DNAJB12: variants seen among roughly 807,000 people sequenced by gnomAD.
DNAJB12 encodes dnaJ homolog subfamily B member 12.
In DNAJB12, 14 loss-of-function variants were observed where a neutral mutation model predicts 40.6. That is an observed-to-expected ratio of 0.34 (90% CI 0.23 to 0.54). DNAJB12 has a LOEUF of 0.54. Among genes scored for constraint, DNAJB12 ranks in the 20% least tolerant of loss-of-function variants. DNAJB12 has a pLI of 0.92. For missense variants in DNAJB12, 444 were observed against 501.7 expected (o/e 0.89, Z 1.10); for synonymous variants, 181 against 199.5 (o/e 0.91, Z 0.78).
At chr10:72,343,572 T>C (rs903468980) in intron 2 of DNAJB12, 61 bp from the exon 3 acceptor site, 6 of 1,582,820 alleles carry the variant, frequency 3.8e-6, no homozygotes, top group Admixed American at 1.7e-5. Flanking sequence ...AGGGGGGCGA[T>C]GAACAGGCCG....
intron 5 of DNAJB12, among the ~76,000 whole-genome samples, chr10:72,340,586 G>A (rs1308791828): frequency 6.6e-6 from 1 of 152,186 alleles, no homozygotes; most frequent in East Asian, 1.9e-4. Context: ...CGGCAATGTG[G>A]AGCATGGCTC....
intron 1 of DNAJB12, among the ~76,000 whole-genome samples, chr10:72,350,784 T>C (rs1394226230): frequency 2.6e-5 from 4 of 152,240 alleles, no homozygotes; most frequent in East Asian, 3.9e-4. Context: ...TCTGCTCTCA[T>C]AGGAGTGCTC....
Position 72,345,109 on chromosome 10 carries a change from T to C in DNAJB12, c.152A>G (p.Asn51Ser), listed in dbSNP as rs765784912. 11 of 1,612,572 alleles carry C rather than the reference T, an allele frequency of 6.8e-6. No individual in the cohort carries two copies. In the Admixed American group the frequency reaches 1.7e-4, roughly 24 times the overall value. Reference sequence around the variant, plus strand: ...GTCACCGGCAGTCTGTGGTTTCTGGTTGAGGGACTCAATCAGGGCTGTGCA... The same window carrying C: ...GTCACCGGCAGTCTGTGGTTTCTGGCTGAGGGACTCAATCAGGGCTGTGCA... ...PRVRALIESLNQKPQTAGDQP... is the reference protein window; with the variant it reads ...PRVRALIESLSQKPQTAGDQP... Residue 51 changes from asparagine to serine, a missense_variant, in exon 2 of 9, where the codon AAC becomes AGC. Asn to Ser is a conservative substitution (Grantham distance 46, BLOSUM62 1). Transcript: ENST00000444643.
intron 6 of DNAJB12, 152 bp downstream of exon 6, chr10:72,338,050 G>A (rs1861528006): frequency 1.6e-6 from 1 of 637,188 alleles, no homozygotes; most frequent in Admixed American, 2.9e-5. Context: ...AGTCCTAGTT[G>A]AATAGAGAAA....
chr10:72,339,238 C>CA (rs10695425), intron 5 of DNAJB12, among the ~76,000 whole-genome samples: 67,594 of 111,120 alleles, frequency 0.61, 19,175 homozygotes, highest in Non-Finnish European at 0.69. Context: ...GACCCTGTCT[C>CA]AAAAAAAAAA....
chr10:72,347,871 C>T (rs1861835778), intron 1 of DNAJB12, among the ~76,000 whole-genome samples: 1 of 151,720 alleles, frequency 6.6e-6, no homozygotes, highest in Admixed American at 6.6e-5. Flanking sequence ...CGAAATCATG[C>T]CATTGCACTC....
At chr10:72,343,662 C>T in intron 2 of DNAJB12, 151 bp from the exon 3 acceptor site, 1 of 826,504 alleles carries the variant, frequency 1.2e-6, no homozygotes, top group African/African-American at 1.7e-5. Flanking sequence ...CTGTGTGACA[C>T]CAGGGACAAG....
intron 1 of DNAJB12, among the ~76,000 whole-genome samples, chr10:72,349,527 G>A (rs1486102275): frequency 1.3e-5 from 2 of 152,228 alleles, no homozygotes; most frequent in Admixed American, 6.5e-5. Context: ...GGCAGGAGGA[G>A]GAGGCAGTAT....
chr10:72,350,935 C>T (rs1365553044), intron 1 of DNAJB12, among the ~76,000 whole-genome samples: 1 of 152,190 alleles, frequency 6.6e-6, no homozygotes, highest in African/African-American at 2.4e-5. Context: ...CACTCCTGGA[C>T]TCTGAATGCA....
In DNAJB12 at chr10:72,335,924, G is replaced by A. The variant is rs1861460938; in HGVS notation, c.1014C>T (p.Gly338=). 1.2e-6 allele frequency: 2 copies of A among 1,613,962 alleles called. No homozygotes were observed. The highest frequency in any genetic ancestry group is 1.3e-5 in the African/African-American group (1 of 74,928). The change falls in exon 8 of 9, where the codon GGC becomes GGT. Residue 338 remains glycine (G), a synonymous_variant. Transcript: ENST00000444643. This position sits in a 1 kb window ranked among gnomAD's most constrained non-coding sequence, Gnocchi z 4.4. ...NCWKEKQQKE[G]LLYRARYFGD... is the part of the protein sequence containing the mutation. ...CAAAGTAGCGTGCCCGGTACAGCAA[G>A]CCTTCCTCTGCAAAGCAATGGGACA...
intron 1 of DNAJB12, among the ~76,000 whole-genome samples, 182 bp downstream of exon 1, chr10:72,354,583 C>G (rs1324305595): frequency 6.6e-6 from 1 of 152,222 alleles, no homozygotes; most frequent in Non-Finnish European, 1.5e-5. Flanking sequence ...CCAGACGGCT[C>G]GCATCCCGCA....
Position 72,345,020 on chromosome 10 carries a change from A to T in DNAJB12, c.241T>A (p.Ser81Thr), listed in dbSNP as rs1443369407. Residue 81 changes from serine (S) to threonine (T), a missense_variant, in exon 2 of 9, where the codon TCG (serine) becomes ACG (threonine). Ser to Thr is a moderately conservative substitution (Grantham distance 58). Coordinates refer to ENST00000444643, the MANE Select transcript of DNAJB12 (RefSeq NM_017626.7). ...TCTCCTCCAGCTTCACCGTTGGCCG[A>T]GGGGGCATCGGTCCCACCTGCTTTC... ...HRKAGGTDAP[S>T]ANGEAGGEST... The T allele has an allele frequency of 6.2e-7, 1 of 1,613,932 alleles. No individual in the cohort carries two copies. The highest frequency in any genetic ancestry group is 1.3e-5 in the African/African-American group (1 of 74,860).
At chr10:72,338,966 T>TA (rs1490747254) in intron 5 of DNAJB12, among the ~76,000 whole-genome samples, 1 of 151,782 alleles carries the variant, frequency 6.6e-6, no homozygotes, top group South Asian at 2.1e-4. Flanking sequence ...AGATACAAAA[T>TA]AAAAAAATTT....
At chr10:72,344,158 T>C (rs1861718063) in intron 2 of DNAJB12, among the ~76,000 whole-genome samples, 1 of 152,116 alleles carries the variant, frequency 6.6e-6, no homozygotes, top group Admixed American at 6.6e-5. Flanking sequence ...CACCAATTCT[T>C]CCTCTCCGCG....
rs771328813 is a variant in DNAJB12 at position 72,344,982 on chromosome 10, G to A, written c.279C>T (p.Gly93=). 5 of 1,614,108 alleles carry A rather than the reference G, an allele frequency of 3.1e-6. No individual in the cohort carries two copies. In the African/African-American group the frequency reaches 6.7e-5, roughly 22 times the overall value. The change falls in exon 2 of 9, where the codon GGC becomes GGT. Residue 93 remains glycine, a synonymous_variant. Transcript: ENST00000444643. ...CAGCTGCAACCTGTTCTGCAGTGTA[G>A]CCTTTGGTGCTCTCTCCTCCAGCTT... ...NGEAGGESTK[G]YTAEQVAAVK... is the part of the protein sequence containing the mutation.
At chr10:72,343,691 A>T (rs559207392) in intron 2 of DNAJB12, among the ~76,000 whole-genome samples, 180 bp from the exon 3 acceptor site, 1 of 152,136 alleles carries the variant, frequency 6.6e-6, no homozygotes, top group Non-Finnish European at 1.5e-5. Flanking sequence ...GTGGGCACCA[A>T]ATGTGATGCA....
chr10:72,340,775 C>T lies in DNAJB12; in HGVS notation c.723+14G>A. On this transcript the variant is annotated intron_variant, in intron 5 of 8. Transcript: ENST00000444643. The stretch of plus-strand genomic sequence containing the variant: ...TGCCCTTCCCGCGCTGTCCCTGGCG[C>T]CCTCCTCACTCACATCACCCTGGTT... The T allele has an allele frequency of 1.2e-6, 2 of 1,613,242 alleles. No homozygotes were observed. Among genetic ancestry groups the T allele is most frequent in the Non-Finnish European group, 1.7e-6 (2 of 1,179,792 alleles).
At position 72,335,133 on chromosome 10, in the gene DNAJB12, C is replaced by A; in HGVS notation, c.*31-516G>T. 6 of 989,216 alleles carry A rather than the reference C, an allele frequency of 6.1e-6. No individual in the cohort carries two copies. The highest frequency in any genetic ancestry group is 7.2e-6 in the Non-Finnish European group (6 of 831,972). The allele number at this position is 989,216 out of a possible 1,614,324, so 61.3% of individuals were successfully genotyped here. ...AGGCCGGATGCCTGTGGCTTCCAGG[C>A]TGCCAGGTGTGACGGCATTCGAGAG... On this transcript the variant is annotated intron_variant, in intron 8 of 8. Coordinates refer to ENST00000444643, the MANE Select transcript of DNAJB12 (RefSeq NM_017626.7). The surrounding 1 kb of genome is among the most constrained non-coding windows in gnomAD (Gnocchi z 4.4).
Position 72,341,021 on chromosome 10 carries a change from G to A in DNAJB12, c.607C>T (p.Leu203Phe), listed in dbSNP as rs1861620557. 1.2e-6 allele frequency: 2 copies of A among 1,613,952 alleles called. No individual in the cohort carries two copies. The highest frequency in any genetic ancestry group is 1.1e-5 in the South Asian group (1 of 91,082). ...CCGCCGCCAAAGAACATGTTGAAGAGGTCTTCAGGGGAGATGTCGGCCTCA... is the reference window on the plus strand; with the variant it reads ...CCGCCGCCAAAGAACATGTTGAAGAAGTCTTCAGGGGAGATGTCGGCCTCA... ...GFEADISPED[L>F]FNMFFGGGFP... Residue 203 changes from leucine (L) to phenylalanine (F), a missense_variant, in exon 4 of 9, where the codon CTC (leucine) becomes TTC (phenylalanine). Physicochemically the swap from Leu to Phe is conservative, Grantham distance 22. Coordinates refer to ENST00000444643, the MANE Select transcript of DNAJB12 (RefSeq NM_017626.7).
Sources: gnomAD v4.1 joint callset for allele counts (sites outside exome capture counted in the v4.1 genomes callset) on GRCh38, gnomAD v4.1.1 for gene constraint, Gnocchi (gnomAD v3.1) non-coding constraint, MANE v1.5 for transcripts, NCBI Gene and HGNC (gene_info 2026-07-23, HGNC 2026-07-21) for gene names.